The following UBE2U variants were observed in gnomAD, a reference collection of about 807,000 sequenced individuals.
The protein encoded by UBE2U is ubiquitin-conjugating enzyme E2 U.
UBE2U carries 39 observed loss-of-function variants against 41.2 expected under a neutral mutation model. The ratio of observed to expected loss-of-function variants is 0.95; its 90% CI spans 0.73 to 1.24. The LOEUF (loss-of-function observed/expected upper bound fraction) is 1.24, where lower values mean the gene tolerates loss of function less well. Among genes scored for constraint, UBE2U ranks in the 50% most tolerant of loss-of-function variants. UBE2U has a pLI of 0.00. For synonymous variants in UBE2U, 107 were observed against 117.8 expected, an observed-to-expected ratio of 0.91 and a Z score of 0.60; for missense variants, 336 against 363.1, an observed-to-expected ratio of 0.93 and a Z score of 0.61.
chr1:64,223,013 G>T (rs1316835021), intron 6 of UBE2U, among the ~76,000 whole-genome samples: 1 of 152,172 alleles, frequency 6.6e-6, no homozygotes, highest in Non-Finnish European at 1.5e-5. Flanking sequence ...GTTTGCAGTG[G>T]TCTATAGGAT....
At chr1:64,241,566 G>A in intron 7 of UBE2U, 86 bp from the exon 8 acceptor site, 1 of 921,182 alleles carries the variant, frequency 1.1e-6, no homozygotes, top group South Asian at 1.6e-5. Context: ...TCAAGTTAAT[G>A]AGAAGTGAAT....
intron 7 of UBE2U, among the ~76,000 whole-genome samples, chr1:64,237,298 A>G (rs1644685638): frequency 7.5e-6 from 1 of 133,346 alleles, no homozygotes; most frequent in African/African-American, 2.6e-5. Context: ...CAAGAGATGT[A>G]TCATAGAAAA....
intron 8 of UBE2U, among the ~76,000 whole-genome samples, chr1:64,247,608 T>A (rs966694719): frequency 1.3e-5 from 2 of 152,180 alleles, no homozygotes; most frequent in African/African-American, 4.8e-5. Context: ...CTCAAGCCTG[T>A]AATCCCAGCA....
intron 4 of UBE2U, 42 bp downstream of exon 4, chr1:64,210,881 A>G: frequency 7.4e-7 from 1 of 1,354,256 alleles, no homozygotes; most frequent in South Asian, 1.4e-5. Flanking sequence ...AATACTTTTA[A>G]TTACCCTAAT....
chr1:64,244,695 TCA>T (rs1005897637), intron 8 of UBE2U, among the ~76,000 whole-genome samples: 5 of 152,102 alleles, frequency 3.3e-5, no homozygotes, highest in African/African-American at 1.2e-4. Flanking sequence ...GCTCAGGCAT[TCA>T]CAGTTACCCC....
At chr1:64,252,866 A>T (rs538583370) in intron 8 of UBE2U, among the ~76,000 whole-genome samples, 3 of 152,196 alleles carry the variant, frequency 2.0e-5, no homozygotes, top group Non-Finnish European at 2.9e-5. Context: ...CCTCCAAATG[A>T]CTGCAACACC....
At position 64,232,562 on chromosome 1, in the gene UBE2U, C is replaced by T; in HGVS notation, c.508C>T (p.Pro170Ser). ...LPKDPRKCIR[P>S]IKTTSFSDYY... ...TCTGATTTTTATTTATATTTTCAGACCAATTAAAACAACCTCATTTAGTGA... is the reference window on the plus strand; with the variant it reads ...TCTGATTTTTATTTATATTTTCAGATCAATTAAAACAACCTCATTTAGTGA... The change falls in exon 7 of 10, where the codon CCA becomes TCA. Residue 170 changes from proline to serine, a missense_variant and splice_region_variant. By Grantham distance (74) the Pro-to-Ser change is moderately conservative. Transcript: ENST00000371077. 1 of 1,607,628 alleles carries T rather than the reference C, an allele frequency of 6.2e-7. No homozygotes were observed. Among genetic ancestry groups the T allele is most frequent in the Admixed American group, 1.7e-5 (1 of 58,760 alleles).
intron 8 of UBE2U, among the ~76,000 whole-genome samples, chr1:64,256,140 A>G (rs189546576): frequency 4.5e-4 from 68 of 152,288 alleles, no homozygotes; most frequent in African/African-American, 1.6e-3. Flanking sequence ...AAATGGAAAA[A>G]CATTCCATGC....
At chr1:64,262,694 A>C (rs1645196092) in intron 9 of UBE2U, among the ~76,000 whole-genome samples, 1 of 152,216 alleles carries the variant, frequency 6.6e-6, no homozygotes, top group Admixed American at 6.5e-5. Context: ...GATGTAACAT[A>C]ATCATGTGAG....
intron 9 of UBE2U, among the ~76,000 whole-genome samples, chr1:64,262,628 A>G (rs1194308814): frequency 6.6e-6 from 1 of 152,168 alleles, no homozygotes; most frequent in Non-Finnish European, 1.5e-5. Flanking sequence ...CTGGCCTCCT[A>G]CTTTATCCAG....
At chr1:64,226,390 G>T (rs935802732) in intron 6 of UBE2U, among the ~76,000 whole-genome samples, 2 of 152,142 alleles carry the variant, frequency 1.3e-5, no homozygotes, top group African/African-American at 4.8e-5. Context: ...AGGGGCAGTA[G>T]GAAACTTTCT....
At chr1:64,244,181 G>A (rs1409648484) in intron 8 of UBE2U, 2 of 1,603,452 alleles carry the variant, frequency 1.2e-6, no homozygotes, top group African/African-American at 1.3e-5. Flanking sequence ...GAGCTTCAGA[G>A]TCAAACAGAT....
At chr1:64,248,259 A>T (rs759081267) in intron 8 of UBE2U, among the ~76,000 whole-genome samples, 4 of 151,962 alleles carry the variant, frequency 2.6e-5, no homozygotes, top group Non-Finnish European at 5.9e-5. Flanking sequence ...CCAGAGAAAT[A>T]CGATACATGG....
intron 6 of UBE2U, among the ~76,000 whole-genome samples, chr1:64,231,525 T>A (rs1644565351): frequency 1.3e-5 from 2 of 152,248 alleles, no homozygotes; most frequent in Admixed American, 6.5e-5. Context: ...TTTATCTTCC[T>A]CAAGTTTCAA....
At position 64,260,594 on chromosome 1, in the gene UBE2U, T is replaced by A; in HGVS notation, c.678-9T>A. ...ATTTGGGAATTTAGTTTTCTTTTTC[T>A]CTTTCTAGGTATTCCGTTATCAAGT... On this transcript the variant is annotated splice_polypyrimidine_tract_variant and intron_variant, in intron 8 of 9. Transcript: ENST00000371077. 1 of 1,541,452 alleles carries A rather than the reference T, an allele frequency of 6.5e-7. No homozygotes were observed. Among genetic ancestry groups the A allele is most frequent in the South Asian group, 1.2e-5 (1 of 82,126 alleles).
At chr1:64,210,601 G>A in intron 3 of UBE2U, 141 bp from the exon 4 acceptor site, 1 of 518,530 alleles carries the variant, frequency 1.9e-6, no homozygotes, top group Admixed American at 3.9e-5. Context: ...GATGGGTATA[G>A]TGCTTCTCAG....
In UBE2U at chr1:64,241,674, T is replaced by C; in HGVS notation, c.618T>C (p.Ile206=). The C allele has an allele frequency of 6.2e-7, 1 of 1,607,760 alleles. No homozygotes were observed. The highest frequency in any genetic ancestry group is 8.5e-7 in the Non-Finnish European group (1 of 1,177,756). Residue 206 remains isoleucine, a synonymous_variant, in exon 8 of 10, where the codon ATT becomes ATC. Coordinates refer to ENST00000371077, the MANE Select transcript of UBE2U (RefSeq NM_001366232.2). ...RTPLLKVPNF[I]GQYYKWKKMD... ...CAGTGCTCAAAGTTCCAAATTTCAT[T>C]GGACAGTATTACAAATGGAAGAAAA...
At chr1:64,234,252 T>C (rs1644625376) in intron 7 of UBE2U, among the ~76,000 whole-genome samples, 1 of 152,206 alleles carries the variant, frequency 6.6e-6, no homozygotes, top group Non-Finnish European at 1.5e-5. Flanking sequence ...AATCTATCTT[T>C]CTTCCTTTAT....
intron 6 of UBE2U, among the ~76,000 whole-genome samples, chr1:64,222,104 A>C (rs1652526755): frequency 6.6e-6 from 1 of 151,462 alleles, no homozygotes; most frequent in Non-Finnish European, 1.5e-5. Flanking sequence ...AAAAAAAAAA[A>C]AAAAACACAA....
Sources: allele counts gnomAD v4.1 joint callset (sites outside exome capture counted in the v4.1 genomes callset), GRCh38; gene constraint gnomAD v4.1.1; transcripts MANE v1.5; gene names NCBI Gene and HGNC (gene_info 2026-07-23, HGNC 2026-07-21).